Variants in C8orf34 observed in about 807,000 individuals in gnomAD.
The protein encoded by C8orf34 is chromosome 8 open reading frame 34.
C8orf34 carries 65 observed loss-of-function variants against 68.3 expected under a neutral mutation model. The observed-to-expected ratio is 0.95, with a 90% CI of 0.78 to 1.17. The LOEUF is 1.17. Among genes scored for constraint, C8orf34 ranks in the 50% most tolerant of loss-of-function variants. The pLI, the probability that C8orf34 is intolerant of heterozygous loss-of-function variation, is 0.00. For synonymous variants in C8orf34, 244 were observed against 241.2 expected, an observed-to-expected ratio of 1.01 and a Z score of -0.11; for missense variants, 664 against 655.4, an observed-to-expected ratio of 1.01 and a Z score of -0.14.
intron 1 of C8orf34, among the ~76,000 whole-genome samples, chr8:68,379,818 A>G (rs539604369): frequency 2.0e-5 from 3 of 152,256 alleles, no homozygotes; most frequent in South Asian, 4.1e-4. Flanking sequence ...TCACATGTGT[A>G]TACATCGTCA....
intron 6 of C8orf34, among the ~76,000 whole-genome samples, chr8:68,531,289 T>G (rs1391085566): frequency 3.3e-5 from 5 of 152,154 alleles, no homozygotes; most frequent in Admixed American, 6.5e-5. Context: ...GTATACTTGT[T>G]TATTTATTTT....
At chr8:68,627,367 T>A (rs1406689987) in intron 7 of C8orf34, among the ~76,000 whole-genome samples, 1 of 152,294 alleles carries the variant, frequency 6.6e-6, no homozygotes, top group South Asian at 2.1e-4. Context: ...TTGTGTTGCT[T>A]ACAATGTGTT....
intron 10 of C8orf34, among the ~76,000 whole-genome samples, chr8:68,734,009 G>C (rs1285521487): frequency 1.3e-5 from 2 of 151,994 alleles, no homozygotes; most frequent in African/African-American, 4.8e-5. Flanking sequence ...TCATTTTCAA[G>C]TTTCACTAAT....
At chr8:68,341,068 G>C (rs946048261) in intron 1 of C8orf34, among the ~76,000 whole-genome samples, 1 of 152,164 alleles carries the variant, frequency 6.6e-6, no homozygotes, top group Admixed American at 6.6e-5. Context: ...CCATAAATTA[G>C]ATGACTTATA....
intron 9 of C8orf34, among the ~76,000 whole-genome samples, chr8:68,710,976 C>G (rs1306794596): frequency 6.6e-6 from 1 of 152,184 alleles, no homozygotes; most frequent in Admixed American, 6.5e-5. Context: ...GACCTGAAGA[C>G]TGATCACATC....
chr8:68,771,902 AC>A lies in C8orf34; in HGVS notation c.1405-4496del, dbSNP rs1433233849. On this transcript the variant is annotated intron_variant, in intron 10 of 13. Coordinates refer to ENST00000518698, the MANE Select transcript of C8orf34 (RefSeq NM_052958.4). ...ACTTGTATATGTTTTTTCAAGGTAA[AC>A]TTTTTTATAGTAGTAATTAACTCTT... Among the ~76,000 whole-genome samples the A allele has an allele frequency of 5.9e-5, 9 of 152,276 alleles. No homozygotes were observed. The South Asian group carries it at 1.7e-3, about 28-fold the overall frequency.
intron 1 of C8orf34, among the ~76,000 whole-genome samples, chr8:68,345,747 GTA>G (rs889994406): frequency 6.6e-5 from 10 of 151,394 alleles, no homozygotes; most frequent in African/African-American, 2.4e-4. Context: ...ATATAAGTGG[GTA>G]TATATATATT....
intron 3 of C8orf34, among the ~76,000 whole-genome samples, chr8:68,466,154 A>G (rs921691819): frequency 2.6e-5 from 4 of 151,994 alleles, no homozygotes; most frequent in African/African-American, 9.7e-5. Context: ...GCCCTCAGTT[A>G]TATGTGGGAG....
Position 68,353,566 on chromosome 8 carries a change from C to CAT in C8orf34, c.327+22239_327+22240dup, listed in dbSNP as rs200912607. ...GTATATATACACATATGTGTGTGTG[C>CAT]ATATATATATATACACAGTTGATGT... On this transcript the variant is annotated intron_variant, in intron 1 of 13. Coordinates refer to ENST00000518698, the MANE Select transcript of C8orf34 (RefSeq NM_052958.4). Among the ~76,000 whole-genome samples, 452 of 144,630 alleles carry CAT rather than the reference C, an allele frequency of 3.1e-3. 4 individuals are homozygous for CAT. The highest frequency in any genetic ancestry group is 0.013 in the East Asian group (65 of 4,968). The allele number at this position is 144,630 out of a possible 152,430, so 94.9% of individuals were successfully genotyped here.
At chr8:68,786,571 G>C (rs75722644) in intron 11 of C8orf34, among the ~76,000 whole-genome samples, 74 of 152,298 alleles carry the variant, frequency 4.9e-4, no homozygotes, top group African/African-American at 1.7e-3. Flanking sequence ...AGTGACTCCC[G>C]AGCCTTGGAA....
chr8:68,555,057 T>A (rs1816209563), intron 7 of C8orf34, among the ~76,000 whole-genome samples: 1 of 152,172 alleles, frequency 6.6e-6, no homozygotes, highest in Non-Finnish European at 1.5e-5. Flanking sequence ...TTTTATGTTT[T>A]AAAAAGTTTC....
intron 7 of C8orf34, chr8:68,534,052 T>C (rs1815362377): frequency 1.0e-6 from 1 of 983,328 alleles, no homozygotes; most frequent in African/African-American, 1.7e-5. Flanking sequence ...TTTTCTGAAG[T>C]TTTTGTTAAA....
chr8:68,506,191 G>T (rs540411323), intron 5 of C8orf34, among the ~76,000 whole-genome samples: 27 of 151,996 alleles, frequency 1.8e-4, no homozygotes, highest in Non-Finnish European at 2.9e-4. Context: ...CAGCAATATG[G>T]CATTTACATC....
chr8:68,738,716 C>A (rs901600980), intron 10 of C8orf34, among the ~76,000 whole-genome samples: 4 of 151,968 alleles, frequency 2.6e-5, no homozygotes, highest in Non-Finnish European at 5.9e-5. Context: ...ATACATACAT[C>A]CTCCCAAGAA....
At chr8:68,619,191 T>A (rs1415611303) in intron 7 of C8orf34, among the ~76,000 whole-genome samples, 2 of 152,160 alleles carry the variant, frequency 1.3e-5, no homozygotes, top group Non-Finnish European at 2.9e-5. Context: ...CTGGGCATGG[T>A]GGCATGTGCC....
chr8:68,710,465 C>T (rs1369734580), intron 9 of C8orf34, among the ~76,000 whole-genome samples: 1 of 152,096 alleles, frequency 6.6e-6, no homozygotes, highest in Non-Finnish European at 1.5e-5. Flanking sequence ...GCCTTTAGGA[C>T]TATGGGCTGC....
intron 7 of C8orf34, among the ~76,000 whole-genome samples, chr8:68,622,889 A>T (rs1468976568): frequency 6.6e-6 from 1 of 152,246 alleles, no homozygotes; most frequent in Non-Finnish European, 1.5e-5. Context: ...TCATAGTGTC[A>T]TGACATTTTC....
rs575932242 is a variant in C8orf34, at chr8:68,743,149, T to A, written c.1404+21712T>A. Among the ~76,000 whole-genome samples, 21 of 152,320 alleles carry A rather than the reference T, an allele frequency of 1.4e-4. No individual in the cohort carries two copies. In the South Asian group the frequency reaches 2.5e-3, roughly 18 times the overall value. On this transcript the variant is annotated intron_variant, in intron 10 of 13. Coordinates refer to ENST00000518698, the MANE Select transcript of C8orf34 (RefSeq NM_052958.4). ...ATAATCTGGTGGTGACTTGAGGTAGTTAAATTTGAGTGGAGAACAATTCGA... is the reference window on the plus strand; with the variant it reads ...ATAATCTGGTGGTGACTTGAGGTAGATAAATTTGAGTGGAGAACAATTCGA...
intron 7 of C8orf34, among the ~76,000 whole-genome samples, chr8:68,559,213 T>G (rs908407480): frequency 3.9e-5 from 6 of 152,080 alleles, no homozygotes; most frequent in African/African-American, 1.4e-4. Flanking sequence ...AGGTGGAAGA[T>G]GATGACTATG....
Sources: allele counts gnomAD v4.1 joint callset (sites outside exome capture counted in the v4.1 genomes callset), GRCh38; gene constraint gnomAD v4.1.1; transcripts MANE v1.5; gene names NCBI Gene and HGNC (gene_info 2026-07-23, HGNC 2026-07-21).